The following POTEI variants were observed in gnomAD, a reference collection of about 807,000 sequenced individuals.
POTEI encodes the protein POTE ankyrin domain family, member I.
Under a neutral mutation model 43.4 loss-of-function variants are expected in POTEI, and 14 were observed. The observed-to-expected ratio is 0.32, with a 90% confidence interval of 0.21 to 0.50. The LOEUF is 0.50. Ranked by LOEUF, POTEI falls within the 20% of genes least tolerant of loss-of-function variation. The pLI, the probability that POTEI is intolerant of heterozygous loss-of-function variation, is 0.98. For missense variants in POTEI, 235 were observed against 795.4 expected, an observed-to-expected ratio of 0.30 and a Z score of 8.47; for synonymous variants, 95 against 297.9, an observed-to-expected ratio of 0.32 and a Z score of 7.01.
chr2:130,508,702 C>A lies in POTEI; in HGVS notation c.521+13G>T. On this transcript the variant is annotated intron_variant, in intron 1 of 14. Transcript: ENST00000451531. Reference sequence around the variant, plus strand: ...CCCGACCTCCCACCTCCTCCCAGCCCAGGCCTGGTTACCTCTTTTGCTTGT... The same window carrying A: ...CCCGACCTCCCACCTCCTCCCAGCCAAGGCCTGGTTACCTCTTTTGCTTGT... 1.0e-6 allele frequency: 1 copy of A among 1,000,212 alleles called. No individual in the cohort carries two copies. The highest frequency in any genetic ancestry group is 1.4e-6 in the Non-Finnish European group (1 of 725,140). 62.0% of individuals were successfully genotyped at this position (1,000,212 alleles called of 1,614,324 possible). A position where few individuals can be genotyped will look rare whatever the true frequency, so the allele number is the denominator to read the frequency against.
At chr2:130,475,537 A>C (rs1683167701) in intron 11 of POTEI, among the ~76,000 whole-genome samples, 2 of 62,732 alleles carry the variant, frequency 3.2e-5, no homozygotes, top group African/African-American at 8.7e-5. Flanking sequence ...TATCCAGATT[A>C]TCTGCGTAAG....
intron 1 of POTEI, among the ~76,000 whole-genome samples, chr2:130,507,288 A>ATATATATATATATATATATGTATG: frequency 1.1e-4 from 1 of 8,766 alleles, no homozygotes; most frequent in African/African-American, 1.3e-4. Context: ...ATATATATAT[A>ATATATATATATATATATATGTATG]TATATATATA....
chr2:130,507,310 A>ATG (rs1241539611), intron 1 of POTEI, among the ~76,000 whole-genome samples: 1 of 8,458 alleles, frequency 1.2e-4, no homozygotes, highest in Non-Finnish European at 1.5e-3. Flanking sequence ...ATATATATAT[A>ATG]TATATATACA....
chr2:130,461,295 C>A lies in POTEI; in HGVS notation c.*1521G>T, dbSNP rs1375854256. On this transcript the variant is annotated 3_prime_UTR_variant, in exon 15 of 15. Coordinates refer to ENST00000451531, the MANE Select transcript of POTEI (RefSeq NM_001277406.2). ...CCTAAGGCTGAAATGCCTGGGTCGC[C>A]CCAACAGCAAAGATGACAATCTGGT... The A allele has an allele frequency of 1.3e-5, 2 of 152,228 alleles. No individual in the cohort carries two copies. Among genetic ancestry groups the A allele is most frequent in the South Asian group, 4.1e-4 (2 of 4,828 alleles). 9.4% of individuals were successfully genotyped at this position (152,228 alleles called of 1,614,324 possible).
At chr2:130,499,406 C>CA (rs1246246077) in intron 4 of POTEI, among the ~76,000 whole-genome samples, 185 bp from the exon 5 acceptor site, 1 of 37,646 alleles carries the variant, frequency 2.7e-5, no homozygotes, top group African/African-American at 6.3e-5. Context: ...AGGAAGGGAC[C>CA]AAAAAAAACC....
intron 6 of POTEI, among the ~76,000 whole-genome samples, chr2:130,493,033 G>C (rs57547537): frequency 0.81 from 107,196 of 131,822 alleles, 41,517 homozygotes; most frequent in East Asian, 0.99. Flanking sequence ...TTGTTTAAAG[G>C]AAGAACACAA....
upstream of POTEI, chr2:130,509,691 G>A (rs530384701): frequency 2.0e-5 from 1 of 49,226 alleles, no homozygotes; most frequent in Non-Finnish European, 3.6e-5. Context: ...GCGCGTGCAA[G>A]CCGTTACAGG....
rs191500999 is a variant in POTEI, at chr2:130,477,074, C to G, written c.1481-373G>C. Among the ~76,000 whole-genome samples the G allele has an allele frequency of 2.0e-3, 304 of 150,580 alleles. 3 individuals are homozygous for G. Among genetic ancestry groups the G allele is most frequent in the Non-Finnish European group, 2.8e-3 (187 of 67,948 alleles). Reference sequence around the variant, plus strand: ...ATGATTTCCAAAATCACTGCTGACACCTTTATTAGTGTACAACGTCTTCCT... The same window carrying G: ...ATGATTTCCAAAATCACTGCTGACAGCTTTATTAGTGTACAACGTCTTCCT... On this transcript the variant is annotated intron_variant, in intron 10 of 14. Transcript: ENST00000451531.
intron 5 of POTEI, among the ~76,000 whole-genome samples, chr2:130,496,938 T>G (rs1392554704): frequency 3.6e-4 from 20 of 54,974 alleles, no homozygotes; most frequent in African/African-American, 8.0e-4. Flanking sequence ...TATTTGTTCT[T>G]GGGCAACTTG....
At position 130,508,994 on chromosome 2, in the gene POTEI, C is replaced by G; in HGVS notation, c.242G>C (p.Gly81Ala). 6.6e-7 allele frequency: 1 copy of G among 1,516,022 alleles called. No individual in the cohort carries two copies. Among genetic ancestry groups the G allele is most frequent in the Non-Finnish European group, 9.0e-7 (1 of 1,106,084 alleles). 93.9% of individuals were successfully genotyped at this position (1,516,022 alleles called of 1,614,324 possible). A position where few individuals can be genotyped will look rare whatever the true frequency, so the allele number is the denominator to read the frequency against. The change falls in exon 1 of 15, where the codon GGC (glycine) becomes GCC (alanine). Residue 81 changes from glycine to alanine, a missense_variant. Transcript: ENST00000451531. ...GGAGTCGTCGTGGTCTCCAGAAGTG[C>G]CCACGTTGCTCTTGCCACTCCCCCT... ...CCRGSGKSNV[G>A]TSGDHDDSAM... is the part of the protein sequence containing the mutation.
rs1234913586 is a variant in POTEI at position 130,462,346 on chromosome 2, AG to A, written c.*469del. On this transcript the variant is annotated 3_prime_UTR_variant, in exon 15 of 15. Coordinates refer to ENST00000451531, the MANE Select transcript of POTEI (RefSeq NM_001277406.2). ...TACACCCCAAGTTGGGGTACAAAAGAGGGGGGCCACGAAGGCTGATCATTCA... is the reference window on the plus strand; with the variant it reads ...TACACCCCAAGTTGGGGTACAAAAGAGGGGGCCACGAAGGCTGATCATTCA... 1 of 157,738 alleles carries A rather than the reference AG, an allele frequency of 6.3e-6. No homozygotes were observed. The highest frequency in any genetic ancestry group is 1.4e-5 in the Non-Finnish European group (1 of 73,994). 9.8% of individuals were successfully genotyped at this position (157,738 alleles called of 1,614,324 possible). A position where few individuals can be genotyped will look rare whatever the true frequency, so the allele number is the denominator to read the frequency against.
At chr2:130,464,636 T>C (rs1682780443) in intron 14 of POTEI, among the ~76,000 whole-genome samples, 1 of 151,428 alleles carries the variant, frequency 6.6e-6, no homozygotes, top group East Asian at 1.9e-4. Flanking sequence ...AAAGTTCTTT[T>C]ACTGAAGAAC....
At chr2:130,475,122 G>A (rs1463741454) in intron 11 of POTEI, among the ~76,000 whole-genome samples, 171 bp from the exon 12 acceptor site, 2 of 136,016 alleles carry the variant, frequency 1.5e-5, no homozygotes, top group Non-Finnish European at 3.0e-5. Context: ...TTAAAATTAA[G>A]AATTAACTTT....
intron 13 of POTEI, among the ~76,000 whole-genome samples, chr2:130,474,088 A>G (rs547405389): frequency 6.7e-6 from 1 of 148,170 alleles, no homozygotes; most frequent in Admixed American, 6.6e-5. Flanking sequence ...GATACAGTTT[A>G]CCTATATAAT....
chr2:130,477,562 T>C lies in POTEI; in HGVS notation c.1481-861A>G, dbSNP rs1276826592. 1.7e-4 allele frequency among the ~76,000 whole-genome samples: 25 copies of C among 149,706 alleles called. 1 individual carries two copies. Among genetic ancestry groups the C allele is most frequent in the Admixed American group, 5.9e-4 (9 of 15,132 alleles). ...GTACTTTACTGATTTTTCTACTGCA[T>C]CTTGACCACCTAAACTGTACATTAT... On this transcript the variant is annotated intron_variant, in intron 10 of 14. Coordinates refer to ENST00000451531, the MANE Select transcript of POTEI (RefSeq NM_001277406.2).
At chr2:130,477,172 T>TA (rs1292983517) in intron 10 of POTEI, among the ~76,000 whole-genome samples, 3 of 151,028 alleles carry the variant, frequency 2.0e-5, no homozygotes, top group Non-Finnish European at 4.4e-5. Flanking sequence ...TTTTTTTTTT[T>TA]ATGAACCAGG....
intron 9 of POTEI, among the ~76,000 whole-genome samples, chr2:130,485,226 C>A (rs1181094504): frequency 6.6e-6 from 1 of 151,256 alleles, no homozygotes; most frequent in Non-Finnish European, 1.5e-5. Flanking sequence ...TCACGAGGGG[C>A]CGGGTGCAGT....
intron 1 of POTEI, among the ~76,000 whole-genome samples, chr2:130,504,998 G>C (rs1299613088): frequency 2.9e-5 from 4 of 137,842 alleles, no homozygotes; most frequent in Non-Finnish European, 6.3e-5. Context: ...TGGTTGTACA[G>C]ATTATTTCAT....
chr2:130,468,635 G>A (rs1682936058), intron 13 of POTEI, among the ~76,000 whole-genome samples: 1 of 150,086 alleles, frequency 6.7e-6, no homozygotes, highest in Non-Finnish European at 1.5e-5. Context: ...CTCCCAGCTG[G>A]TCTTTCCTCA....
Sources: gnomAD v4.1 joint callset for allele counts (sites outside exome capture counted in the v4.1 genomes callset) on GRCh38, gnomAD v4.1.1 for gene constraint, MANE v1.5 for transcripts, NCBI Gene and HGNC (gene_info 2026-07-23, HGNC 2026-07-21) for gene names.